Variants in ACOX3 observed in about 807,000 individuals in gnomAD.
The protein encoded by ACOX3 is peroxisomal acyl-coenzyme A oxidase 3.
Under a neutral mutation model 81.5 loss-of-function variants are expected in ACOX3, and 73 were observed. The observed-to-expected ratio is 0.90, with a 90% confidence interval of 0.74 to 1.09. The LOEUF is 1.09. Ranked by LOEUF, ACOX3 falls within the 50% of genes least tolerant of loss-of-function variation. ACOX3 has a pLI of 0.00. For missense variants in ACOX3, 947 were observed against 928.0 expected (o/e 1.02, Z -0.27); for synonymous variants, 387 against 375.1 (o/e 1.03, Z -0.37).
In ACOX3 at chr4:8,416,301, G is replaced by T; in HGVS notation, c.144+77C>A. The T allele has an allele frequency of 6.2e-7, 1 of 1,609,824 alleles. No homozygotes were observed. The highest frequency in any genetic ancestry group is 8.5e-7 in the Non-Finnish European group (1 of 1,178,210). On this transcript the variant is annotated intron_variant, in intron 2 of 17. Coordinates refer to ENST00000356406, the MANE Select transcript of ACOX3 (RefSeq NM_003501.3). The surrounding 1 kb of genome is among the most constrained non-coding windows in gnomAD (Gnocchi z 4.2). ...GCCCGGCAGAGGAGGAGCTGTGAGA[G>T]CCAGAAATCCCATTCTGCTAACGAA...
intron 5 of ACOX3, among the ~76,000 whole-genome samples, chr4:8,413,033 A>C (rs1195927760): frequency 7.2e-6 from 1 of 138,022 alleles, no homozygotes; most frequent in African/African-American, 2.8e-5. Context: ...TGACAGCCCC[A>C]GGGCATCCAT....
intron 5 of ACOX3, 24 bp from the exon 6 acceptor site, chr4:8,410,379 A>G: frequency 2.5e-6 from 4 of 1,610,196 alleles, no homozygotes; most frequent in Non-Finnish European, 3.4e-6. Flanking sequence ...AATTTAGGTT[A>G]GTTATAATTA....
Position 8,416,445 on chromosome 4 carries a change from G to A in ACOX3, c.77C>T (p.Ala26Val). The A allele has an allele frequency of 1.2e-6, 2 of 1,614,186 alleles. No individual in the cohort carries two copies. Among genetic ancestry groups the A allele is most frequent in the South Asian group, 1.1e-5 (1 of 91,076 alleles). The stretch of plus-strand genomic sequence containing the variant: ...CTCCTTCCAGCTGAAGGACGCTCTT[G>A]CTCGGTAGGCATCGAGGGGCCCCCT... ...FPRGPLDAYR[A>V]RASFSWKELA... Residue 26 changes from alanine to valine, a missense_variant, in exon 2 of 18, where the codon GCA becomes GTA. Ala to Val is a moderately conservative substitution (Grantham distance 64). Transcript: ENST00000356406. The surrounding 1 kb of genome is among the most constrained non-coding windows in gnomAD (Gnocchi z 4.2).
Position 8,414,214 on chromosome 4 carries a change from T to C in ACOX3, c.543+78A>G. 3 of 1,242,286 alleles carry C rather than the reference T, an allele frequency of 2.4e-6. No individual in the cohort carries two copies. Among genetic ancestry groups the C allele is most frequent in the East Asian group, 2.3e-5 (1 of 43,014 alleles). The allele number at this position is 1,242,286 out of a possible 1,614,324, so 77.0% of individuals were successfully genotyped here. A position where few individuals can be genotyped will look rare whatever the true frequency, so the allele number is the denominator to read the frequency against. ...TCTTGCTTTAATGTTTTTTTTTTCTTATTCTGGGCAACGGCATTTGCACTC... is the reference window on the plus strand; with the variant it reads ...TCTTGCTTTAATGTTTTTTTTTTCTCATTCTGGGCAACGGCATTTGCACTC... On this transcript the variant is annotated intron_variant, in intron 5 of 17. Transcript: ENST00000356406. This position sits in a 1 kb window ranked among gnomAD's most constrained non-coding sequence, Gnocchi z 6.1.
At chr4:8,393,780 C>T (rs1373322824) in intron 10 of ACOX3, among the ~76,000 whole-genome samples, 2 of 152,066 alleles carry the variant, frequency 1.3e-5, no homozygotes, top group Non-Finnish European at 2.9e-5. Flanking sequence ...GCCTGGTCAC[C>T]CTTTACAACA....
At chr4:8,417,927 C>T (rs923627622) in intron 1 of ACOX3, among the ~76,000 whole-genome samples, 1 of 152,110 alleles carries the variant, frequency 6.6e-6, no homozygotes, top group Non-Finnish European at 1.5e-5. Context: ...CCATGGTATG[C>T]CAACAAATGA....
In ACOX3 at chr4:8,405,225, G is replaced by A. The variant is rs994051261; in HGVS notation, c.776+730C>T. On this transcript the variant is annotated intron_variant, in intron 7 of 17. Coordinates refer to ENST00000356406, the MANE Select transcript of ACOX3 (RefSeq NM_003501.3). The surrounding 1 kb of genome is among the most constrained non-coding windows in gnomAD (Gnocchi z 7.1). ...CCTTGCGGCCTGGCCTCCCTACCCCGCCTGCATCCCAGCACAGGCCTGGGC... is the reference window on the plus strand; with the variant it reads ...CCTTGCGGCCTGGCCTCCCTACCCCACCTGCATCCCAGCACAGGCCTGGGC... Among the ~76,000 whole-genome samples the A allele has an allele frequency of 2.0e-5, 3 of 152,094 alleles. No homozygotes were observed. Among genetic ancestry groups the A allele is most frequent in the African/African-American group, 7.2e-5 (3 of 41,430 alleles).
At chr4:8,424,732 G>A (rs1723288809) in intron 1 of ACOX3, among the ~76,000 whole-genome samples, 1 of 152,232 alleles carries the variant, frequency 6.6e-6, no homozygotes, top group African/African-American at 2.4e-5. Context: ...TCCAGACAAT[G>A]AAGAAAAGAT....
chr4:8,365,462 C>T (rs1032150774), downstream of ACOX3, among the ~76,000 whole-genome samples: 26 of 152,224 alleles, frequency 1.7e-4, no homozygotes, highest in Admixed American at 5.9e-4. Context: ...CTACCTATTG[C>T]GTCTCAGCCC....
At chr4:8,408,513 A>G (rs913542353) in intron 6 of ACOX3, among the ~76,000 whole-genome samples, 11 of 152,194 alleles carry the variant, frequency 7.2e-5, no homozygotes, top group Admixed American at 5.2e-4. Flanking sequence ...AGTCTAAAAC[A>G]CTGCGGCTCT....
intron 1 of ACOX3, among the ~76,000 whole-genome samples, chr4:8,424,368 T>C (rs1723245802): frequency 6.6e-6 from 1 of 152,240 alleles, no homozygotes; most frequent in African/African-American, 2.4e-5. Context: ...GGCAAGACTT[T>C]TCTTTATGTG....
intron 14 of ACOX3, among the ~76,000 whole-genome samples, chr4:8,379,430 T>A (rs942594870): frequency 6.6e-5 from 10 of 152,338 alleles, no homozygotes; most frequent in African/African-American, 2.4e-4. Context: ...GGGGCTGGTG[T>A]CTGTGGGTGT....
intron 17 of ACOX3, among the ~76,000 whole-genome samples, chr4:8,369,469 A>C (rs1049015066): frequency 6.6e-6 from 1 of 152,140 alleles, no homozygotes; most frequent in African/African-American, 2.4e-5. Context: ...AGCGGCAGTC[A>C]TCATCTGGGC....
At chr4:8,411,413 C>A (rs1721711913) in intron 5 of ACOX3, among the ~76,000 whole-genome samples, 2 of 152,106 alleles carry the variant, frequency 1.3e-5, no homozygotes, top group Admixed American at 6.5e-5. Flanking sequence ...TGAAGTTTCA[C>A]TGAGGAGAAG....
intron 1 of ACOX3, among the ~76,000 whole-genome samples, chr4:8,420,756 T>A (rs1722849796): frequency 6.6e-6 from 1 of 152,212 alleles, no homozygotes; most frequent in Non-Finnish European, 1.5e-5. Context: ...CCACCACTGC[T>A]GATCATCGCC....
At chr4:8,429,861 G>T (rs1236150419) in intron 1 of ACOX3, among the ~76,000 whole-genome samples, 2 of 151,966 alleles carry the variant, frequency 1.3e-5, no homozygotes, top group African/African-American at 4.8e-5. Context: ...AGAATCACTT[G>T]AGCCCAGGAG....
At chr4:8,372,055 A>G (rs1041981086) in intron 16 of ACOX3, among the ~76,000 whole-genome samples, 4 of 152,286 alleles carry the variant, frequency 2.6e-5, no homozygotes, top group African/African-American at 9.6e-5. Context: ...AGTGGCACAC[A>G]ACGGTCATCC....
Position 8,399,515 on chromosome 4 carries a change from C to A in ACOX3, c.873+41G>T, listed in dbSNP as rs1248619597. On this transcript the variant is annotated intron_variant, in intron 8 of 17. Transcript: ENST00000356406. The surrounding 1 kb of genome is among the most constrained non-coding windows in gnomAD (Gnocchi z 4.9). ...GAGCCAGGCCCTGCAGAGGAAGGCACCTGGGAAGCACGGCACACGAACGGC... is the reference window on the plus strand; with the variant it reads ...GAGCCAGGCCCTGCAGAGGAAGGCAACTGGGAAGCACGGCACACGAACGGC... 3.2e-6 allele frequency: 5 copies of A among 1,549,786 alleles called. No individual in the cohort carries two copies. Among genetic ancestry groups the A allele is most frequent in the Admixed American group, 1.7e-5 (1 of 59,598 alleles).
intron 1 of ACOX3, among the ~76,000 whole-genome samples, chr4:8,438,095 C>T (rs1176429871): frequency 6.6e-6 from 1 of 152,224 alleles, no homozygotes; most frequent in African/African-American, 2.4e-5. Context: ...AGAACTGCCT[C>T]ATGCTGGAGG....
Sources: allele counts gnomAD v4.1 joint callset (sites outside exome capture counted in the v4.1 genomes callset), GRCh38; gene constraint gnomAD v4.1.1; non-coding constraint Gnocchi (gnomAD v3.1); transcripts MANE v1.5; gene names NCBI Gene and HGNC (gene_info 2026-07-23, HGNC 2026-07-21).